The following NCKAP5 variants were observed in gnomAD, a reference collection of about 807,000 sequenced individuals.
NCKAP5 encodes the protein nck-associated protein 5.
Under a neutral mutation model 167.0 loss-of-function variants are expected in NCKAP5, and 92 were observed. That is an observed-to-expected ratio of 0.55 (90% CI 0.47 to 0.66). NCKAP5 has a LOEUF of 0.66. Ranked by LOEUF, NCKAP5 falls within the 30% of genes least tolerant of loss-of-function variation. The pLI is 0.00. For synonymous variants in NCKAP5, 891 were observed against 877.4 expected (o/e 1.02, Z -0.27); for missense variants, 2,378 against 2,315.0 (o/e 1.03, Z -0.56).
intron 4 of NCKAP5, among the ~76,000 whole-genome samples, chr2:133,245,370 A>G (rs1365575275): frequency 6.6e-6 from 1 of 152,176 alleles, no homozygotes; most frequent in Non-Finnish European, 1.5e-5. Flanking sequence ...AAACAGCGAG[A>G]AAAAAACAAA....
intron 3 of NCKAP5, among the ~76,000 whole-genome samples, chr2:133,426,112 A>G (rs1225454321): frequency 6.6e-6 from 1 of 151,998 alleles, no homozygotes; most frequent in Non-Finnish European, 1.5e-5. Context: ...TCCACTAAAA[A>G]TACAAAAATT....
chr2:133,558,492 G>A (rs576521512), intron 2 of NCKAP5, among the ~76,000 whole-genome samples: 69 of 151,938 alleles, frequency 4.5e-4, no homozygotes, highest in African/African-American at 1.5e-3. Context: ...AGGGAAGATG[G>A]TCCAGGACTA....
the NCKAP5 span, among the ~76,000 whole-genome samples, chr2:133,582,084 C>T: frequency 3.3e-4 from 50 of 152,312 alleles, no homozygotes; most frequent in African/African-American, 1.1e-3. Flanking sequence ...TGGCCTCCTA[C>T]TGAATAAAAA....
chr2:133,086,450 C>T (rs999741490), intron 6 of NCKAP5, among the ~76,000 whole-genome samples: 1 of 151,970 alleles, frequency 6.6e-6, no homozygotes, highest in African/African-American at 2.4e-5. Flanking sequence ...CCAGCCAGGG[C>T]AAAATAAGTA....
intron 3 of NCKAP5, among the ~76,000 whole-genome samples, chr2:133,466,663 G>A (rs993514236): frequency 3.2e-4 from 48 of 152,188 alleles, no homozygotes; most frequent in African/African-American, 1.1e-3. Context: ...TCTTCCGTTT[G>A]TTTGTATCCT....
At chr2:133,641,424 C>G in the NCKAP5 span, among the ~76,000 whole-genome samples, 1 of 152,180 alleles carries the variant, frequency 6.6e-6, no homozygotes. Context: ...CCACCAAAAG[C>G]GAAGTTCCTA....
At chr2:133,586,306 G>A in the NCKAP5 span, among the ~76,000 whole-genome samples, 1 of 152,100 alleles carries the variant, frequency 6.6e-6, no homozygotes, top group Non-Finnish European at 1.5e-5. Context: ...TGAACCCTCA[G>A]TCACTTCCTT....
At chr2:133,282,115 T>C (rs1205665066) in intron 4 of NCKAP5, among the ~76,000 whole-genome samples, 1 of 152,170 alleles carries the variant, frequency 6.6e-6, no homozygotes, top group African/African-American at 2.4e-5. Flanking sequence ...GCCAAACTAG[T>C]TAATTAATGT....
intron 3 of NCKAP5, among the ~76,000 whole-genome samples, chr2:133,421,717 T>C (rs1689490947): frequency 6.6e-6 from 1 of 152,206 alleles, no homozygotes; most frequent in African/African-American, 2.4e-5. Context: ...AGCTGGGTCA[T>C]CAGGACCACT....
At chr2:133,552,591 G>T (rs1687417645) in intron 2 of NCKAP5, among the ~76,000 whole-genome samples, 1 of 126,004 alleles carries the variant, frequency 7.9e-6, no homozygotes, top group African/African-American at 3.0e-5. Flanking sequence ...TCTGCGGACT[G>T]TGGTGGGGTG....
chr2:133,101,674 T>C (rs926817870), intron 6 of NCKAP5, among the ~76,000 whole-genome samples: 4 of 152,218 alleles, frequency 2.6e-5, no homozygotes, highest in African/African-American at 9.6e-5. Flanking sequence ...CATAAAATCA[T>C]TATTTTCAAT....
At chr2:132,832,547 C>T (rs544292124) in intron 11 of NCKAP5, among the ~76,000 whole-genome samples, 12 of 151,350 alleles carry the variant, frequency 7.9e-5, no homozygotes, top group Non-Finnish European at 1.5e-4. Context: ...CAAGTCTCTA[C>T]TGTCTATAAT....
intron 9 of NCKAP5, among the ~76,000 whole-genome samples, chr2:132,877,493 G>A (rs553921704): frequency 1.2e-4 from 19 of 152,292 alleles, no homozygotes; most frequent in Non-Finnish European, 2.9e-5. Context: ...ATAGGTCGCT[G>A]AGCCCTACCC....
At chr2:133,330,136 G>T (rs1682744356) in intron 3 of NCKAP5, among the ~76,000 whole-genome samples, 1 of 130,370 alleles carries the variant, frequency 7.7e-6, no homozygotes, top group Admixed American at 9.2e-5. Context: ...GTGCAATCAT[G>T]GCTCAATGCA....
At chr2:133,285,296 T>C (rs568813350) in intron 4 of NCKAP5, among the ~76,000 whole-genome samples, 1 of 152,336 alleles carries the variant, frequency 6.6e-6, no homozygotes, top group South Asian at 2.1e-4. Context: ...TCTTCACCAA[T>C]GTGACAAAGA....
chr2:133,028,924 C>T (rs1559066724), intron 6 of NCKAP5, among the ~76,000 whole-genome samples: 1 of 152,140 alleles, frequency 6.6e-6, no homozygotes, highest in Non-Finnish European at 1.5e-5. Context: ...ACCTTCCCCT[C>T]GCTCTCTTGT....
Position 133,389,753 on chromosome 2 carries a change from C to G in NCKAP5, c.70-86643G>C, listed in dbSNP as rs186181474. Among the ~76,000 whole-genome samples the G allele has an allele frequency of 3.7e-4, 56 of 152,254 alleles. No homozygotes were observed. The East Asian group carries it at 0.01, about 28-fold the overall frequency. ...TCGTGTGGGTGCAGGCCCGTGAGCT[C>G]ACCCTCTCTCTTCCCCTCCCTCTCC... On this transcript the variant is annotated intron_variant, in intron 3 of 19. Transcript: ENST00000409261.
chr2:133,635,212 A>C, the NCKAP5 span, among the ~76,000 whole-genome samples: 1 of 152,168 alleles, frequency 6.6e-6, no homozygotes, highest in East Asian at 1.9e-4. Context: ...GCATGCAGAC[A>C]GAGGAAAAGG....
At chr2:133,571,022 G>C (rs1160188422), upstream of NCKAP5, among the ~76,000 whole-genome samples, 1 of 151,952 alleles carries the variant, frequency 6.6e-6, no homozygotes, top group Non-Finnish European at 1.5e-5. Flanking sequence ...GGAAAAAAAA[G>C]TCCAAGAAAA....
Sources: gnomAD v4.1 joint callset for allele counts (sites outside exome capture counted in the v4.1 genomes callset) on GRCh38, gnomAD v4.1.1 for gene constraint, MANE v1.5 for transcripts, NCBI Gene and HGNC (gene_info 2026-07-23, HGNC 2026-07-21) for gene names.